XPO4: variants seen among roughly 807,000 people sequenced by gnomAD.
XPO4 encodes the protein exportin-4.
XPO4 carries 39 observed loss-of-function variants against 143.0 expected under a neutral mutation model. That is an observed-to-expected ratio of 0.27 (90% confidence interval 0.21 to 0.36). XPO4 has a LOEUF of 0.36. XPO4 is among the 10% of genes least tolerant of loss of function. XPO4 has a pLI of 1.00. For synonymous variants in XPO4, 439 were observed against 474.0 expected (o/e 0.93, Z 0.96); for missense variants, 907 against 1,348.0 (o/e 0.67, Z 5.12).
intron 1 of XPO4, among the ~76,000 whole-genome samples, chr13:20,884,236 T>C (rs541059787): frequency 4.5e-4 from 68 of 152,206 alleles, no homozygotes; most frequent in African/African-American, 1.6e-3. Context: ...AATAAATAGC[T>C]GGGCATGATG....
chr13:20,856,498 CT>C, intron 3 of XPO4: 1 of 342,774 alleles, frequency 2.9e-6, no homozygotes, highest in Non-Finnish European at 4.1e-6. Context: ...TAATCCCAAA[CT>C]TTATAATCTA....
chr13:20,791,127 A>G (rs1308879995), intron 18 of XPO4, among the ~76,000 whole-genome samples: 1 of 151,812 alleles, frequency 6.6e-6, no homozygotes, highest in Non-Finnish European at 1.5e-5. Flanking sequence ...ATATATATAA[A>G]TTAATGAGAA....
chr13:20,871,469 G>A (rs1352345637), intron 1 of XPO4, among the ~76,000 whole-genome samples: 1 of 152,170 alleles, frequency 6.6e-6, no homozygotes, highest in Non-Finnish European at 1.5e-5. Context: ...ACAGGGGCAT[G>A]CCACCACACA....
At chr13:20,893,227 C>T (rs1418755692) in intron 1 of XPO4, among the ~76,000 whole-genome samples, 2 of 152,192 alleles carry the variant, frequency 1.3e-5, no homozygotes, top group African/African-American at 4.8e-5. Context: ...TATTTCACAA[C>T]ACTTAATGGC....
Position 20,787,530 on chromosome 13 carries a change from G to C in XPO4, c.3116C>G (p.Ala1039Gly). The C allele has an allele frequency of 6.2e-7, 1 of 1,614,230 alleles. No individual in the cohort carries two copies. ...LTPLAEQCAKAQETDSPLFLA... is the reference protein window; with the variant it reads ...LTPLAEQCAKGQETDSPLFLA... ...AAAAAGTGGTGAGTCTGTTTCTTGTGCTTTTGCACACTGTTCAGCTAACGG... is the reference window on the plus strand; with the variant it reads ...AAAAAGTGGTGAGTCTGTTTCTTGTCCTTTTGCACACTGTTCAGCTAACGG... Residue 1039 changes from alanine to glycine, a missense_variant, in exon 21 of 23, where the codon GCA becomes GGA. Transcript: ENST00000255305.
chr13:20,899,309 A>G (rs2060597914), intron 1 of XPO4, among the ~76,000 whole-genome samples: 1 of 151,820 alleles, frequency 6.6e-6, no homozygotes, highest in Non-Finnish European at 1.5e-5. Context: ...TTTATAGTAT[A>G]TGTTGACTAA....
chr13:20,849,319 G>C, intron 4 of XPO4: 6 of 985,382 alleles, frequency 6.1e-6, no homozygotes, highest in Non-Finnish European at 7.2e-6. Context: ...GTAGACAAGT[G>C]AATTTCTCAC....
At position 20,780,147 on chromosome 13, in the gene XPO4, G is replaced by C. The variant is rs2059124968; in HGVS notation, c.*3575C>G. 6.6e-6 allele frequency: 1 copy of C among 152,138 alleles called. No homozygotes were observed. The highest frequency in any genetic ancestry group is 2.4e-5 in the African/African-American group (1 of 41,428). 9.4% of individuals were successfully genotyped at this position (152,138 alleles called of 1,614,324 possible). A position where few individuals can be genotyped will look rare whatever the true frequency, so the allele number is the denominator to read the frequency against. On this transcript the variant is annotated 3_prime_UTR_variant, in exon 23 of 23. Transcript: ENST00000255305. ...TTTAGAAAACACAAACAAACCTTAA[G>C]AAGTACCGAGGTTCCTTCTGACTTA... is the stretch of plus-strand genomic sequence containing the variant.
intron 1 of XPO4, among the ~76,000 whole-genome samples, chr13:20,870,036 G>T (rs942783579): frequency 7.0e-5 from 10 of 142,662 alleles, no homozygotes; most frequent in Non-Finnish European, 1.5e-4. Flanking sequence ...GGAGGCAGAG[G>T]TTGCAGTGAG....
chr13:20,790,472 T>C lies in XPO4; in HGVS notation c.2906A>G (p.Asp969Gly). The change falls in exon 19 of 23, where the codon GAT becomes GGT. Residue 969 changes from aspartate to glycine, a missense_variant. Physicochemically the swap from Asp to Gly is moderately conservative, Grantham distance 94. Transcript: ENST00000255305. Reference protein sequence around the residue: ...VNLILPLMSQDLLKFPTLCNQ... With the variant: ...VNLILPLMSQGLLKFPTLCNQ... ...AATTTCATTAATTACCTTCAAGAGA[T>C]CCTGTGACATCAAGGGCAGAATTAG... The C allele has an allele frequency of 1.9e-6, 3 of 1,613,042 alleles. No homozygotes were observed. The highest frequency in any genetic ancestry group is 2.5e-6 in the Non-Finnish European group (3 of 1,179,006).
At position 20,804,542 on chromosome 13, in the gene XPO4, G is replaced by A. The variant is rs544016144; in HGVS notation, c.1817+2915C>T. 1.9e-4 allele frequency among the ~76,000 whole-genome samples: 29 copies of A among 152,128 alleles called. 1 individual carries two copies. Among genetic ancestry groups the A allele is most frequent in the East Asian group, 7.7e-4 (4 of 5,172 alleles). ...AGCCCCCTCTGGTTCTCCTCTGCCCGTAGATTAGGGGAACCAGGAGCTCCT... is the reference window on the plus strand; with the variant it reads ...AGCCCCCTCTGGTTCTCCTCTGCCCATAGATTAGGGGAACCAGGAGCTCCT... On this transcript the variant is annotated intron_variant, in intron 13 of 22. Transcript: ENST00000255305.
At chr13:20,822,068 T>C in intron 8 of XPO4, 64 bp downstream of exon 8, 4 of 1,516,188 alleles carry the variant, frequency 2.6e-6, no homozygotes, top group Non-Finnish European at 3.5e-6. Context: ...TTTCTTTTTT[T>C]CTTCTACTGT....
At chr13:20,830,614 T>C (rs1054846769) in intron 6 of XPO4, among the ~76,000 whole-genome samples, 26 of 152,242 alleles carry the variant, frequency 1.7e-4, no homozygotes, top group African/African-American at 5.8e-4. Flanking sequence ...AAAAAATTAA[T>C]TATTCCCAAA....
intron 16 of XPO4, among the ~76,000 whole-genome samples, chr13:20,798,575 T>C (rs1480791764): frequency 6.6e-6 from 1 of 152,220 alleles, no homozygotes; most frequent in Non-Finnish European, 1.5e-5. Context: ...GTCCATGCTC[T>C]CGACTGAGTT....
intron 4 of XPO4, chr13:20,851,488 T>G: frequency 1.1e-6 from 1 of 944,412 alleles, no homozygotes; most frequent in Non-Finnish European, 1.3e-6. Flanking sequence ...GTGGGCAGAT[T>G]GCTTGAGCCT....
chr13:20,855,332 G>A lies in XPO4; in HGVS notation c.456+295C>T, dbSNP rs371729930. ...TAGCCAGGTGTGGTGGCACATGCCT[G>A]TAATCCCAGCTACTTGGGAGGCTGA... On this transcript the variant is annotated intron_variant, in intron 4 of 22. Coordinates refer to ENST00000255305, the MANE Select transcript of XPO4 (RefSeq NM_022459.5). Among the ~76,000 whole-genome samples, 10 of 152,098 alleles carry A rather than the reference G, an allele frequency of 6.6e-5. No individual in the cohort carries two copies. The East Asian group carries it at 1.9e-3, about 30-fold the overall frequency.
At chr13:20,822,025 T>C (rs1044816363) in intron 8 of XPO4, 107 bp downstream of exon 8, 31 of 1,421,160 alleles carry the variant, frequency 2.2e-5, no homozygotes, top group Non-Finnish European at 2.9e-5. Flanking sequence ...CATATGACTT[T>C]ACTTCAAAAT....
At chr13:20,869,795 G>A (rs2138136624) in intron 1 of XPO4, 1 of 170,592 alleles carries the variant, frequency 5.9e-6, no homozygotes, top group Admixed American at 6.5e-5. Context: ...AAATAAAAAT[G>A]AAAATATTTC....
At chr13:20,880,911 T>C (rs909453624) in intron 1 of XPO4, among the ~76,000 whole-genome samples, 1 of 150,106 alleles carries the variant, frequency 6.7e-6, no homozygotes, top group African/African-American at 2.5e-5. Context: ...TAAGACATGA[T>C]TGCACCACTG....
Sources: allele counts gnomAD v4.1 joint callset (sites outside exome capture counted in the v4.1 genomes callset), GRCh38; gene constraint gnomAD v4.1.1; transcripts MANE v1.5; gene names NCBI Gene and HGNC (gene_info 2026-07-23, HGNC 2026-07-21).